The following SDK1 variants were observed in gnomAD, a reference collection of about 807,000 sequenced individuals.
SDK1 encodes protein sidekick-1.
A neutral mutation model predicts 245.5 loss-of-function variants in SDK1; 157 were observed. That is an observed-to-expected ratio of 0.64 (90% CI 0.56 to 0.73). The LOEUF (loss-of-function observed/expected upper bound fraction) is 0.73. SDK1 is among the 30% of genes least tolerant of loss of function. The pLI is 0.00. For synonymous variants in SDK1, 1,647 were observed against 1,278.5 expected, an observed-to-expected ratio of 1.29 and a Z score of -6.15; for missense variants, 3,583 against 3,002.3, an observed-to-expected ratio of 1.19 and a Z score of -4.52.
intron 30 of SDK1, among the ~76,000 whole-genome samples, chr7:4,155,113 C>G (rs1260957067): frequency 1.3e-5 from 2 of 152,032 alleles, no homozygotes; most frequent in African/African-American, 4.8e-5. Context: ...GTTGATAGCA[C>G]TGCCCTCTGC....
intron 5 of SDK1, among the ~76,000 whole-genome samples, chr7:3,937,734 G>A (rs532753843): frequency 3.9e-5 from 6 of 152,360 alleles, no homozygotes; most frequent in Non-Finnish European, 7.3e-5. Context: ...GCGTCCTGCA[G>A]GTTCCCATTG....
chr7:3,584,246 CT>C (rs1473254744), intron 1 of SDK1, among the ~76,000 whole-genome samples: 1 of 152,128 alleles, frequency 6.6e-6, no homozygotes, highest in Non-Finnish European at 1.5e-5. Context: ...GTTGTGTCAT[CT>C]CCAAACGTAT....
At chr7:3,502,475 C>G (rs370870294) in intron 1 of SDK1, among the ~76,000 whole-genome samples, 1 of 152,122 alleles carries the variant, frequency 6.6e-6, no homozygotes, top group East Asian at 1.9e-4. Flanking sequence ...ATCTTGAACT[C>G]CTGACCTCAG....
intron 1 of SDK1, among the ~76,000 whole-genome samples, chr7:3,553,414 A>C (rs746303375): frequency 6.6e-6 from 1 of 152,172 alleles, no homozygotes; most frequent in Non-Finnish European, 1.5e-5. Context: ...AATGCAAGAA[A>C]CAGAAGGAGA....
rs1298366416 is a variant in SDK1, at chr7:4,110,611, G to A, written c.3325-52G>A. ...GCAGGTGCACATGGTCTACATGGCA[G>A]CCTCAGTCCCTAAGGCATGTCCAGC... On this transcript the variant is annotated intron_variant, in intron 22 of 44. Transcript: ENST00000404826. The A allele has an allele frequency of 3.0e-6, 4 of 1,317,380 alleles. No individual in the cohort carries two copies. The Admixed American group carries it at 6.7e-5, about 22-fold the overall frequency. 81.6% of individuals were successfully genotyped at this position (1,317,380 alleles called of 1,614,324 possible). A position where few individuals can be genotyped will look rare whatever the true frequency, so the allele number is the denominator to read the frequency against.
At chr7:3,676,971 C>T (rs1301138257) in intron 4 of SDK1, among the ~76,000 whole-genome samples, 7 of 152,142 alleles carry the variant, frequency 4.6e-5, no homozygotes, top group African/African-American at 1.7e-4. Context: ...TTTTGCTTCT[C>T]TAACCTCATC....
Position 3,756,659 on chromosome 7 carries a change from A to G in SDK1, c.714-64791A>G, listed in dbSNP as rs528868784. ...ATCCTATCTAAGACCTTGTGCGTGTAGTCATGTCTTCTTGGTCTCCTCCAA... is the reference window on the plus strand; with the variant it reads ...ATCCTATCTAAGACCTTGTGCGTGTGGTCATGTCTTCTTGGTCTCCTCCAA... On this transcript the variant is annotated intron_variant, in intron 4 of 44. Coordinates refer to ENST00000404826, the MANE Select transcript of SDK1 (RefSeq NM_152744.4). Among the ~76,000 whole-genome samples, 41 of 152,082 alleles carry G rather than the reference A, an allele frequency of 2.7e-4. No individual in the cohort carries two copies. In the South Asian group the frequency reaches 3.7e-3, roughly 14 times the overall value.
chr7:3,552,236 A>G (rs1779441724), intron 1 of SDK1, among the ~76,000 whole-genome samples: 1 of 152,044 alleles, frequency 6.6e-6, no homozygotes, highest in Non-Finnish European at 1.5e-5. Flanking sequence ...ACGGGGTTTC[A>G]CTGTATTAGC....
rs113955796 is a variant in SDK1, at chr7:3,302,679, T to A, written c.298+795T>A. Reference sequence around the variant, plus strand: ...CAGCTAGCATCGTTTTCTTTTGAAGTTTGCTGGTCTTTAAACCAAAACACC... The same window carrying A: ...CAGCTAGCATCGTTTTCTTTTGAAGATTGCTGGTCTTTAAACCAAAACACC... On this transcript the variant is annotated intron_variant, in intron 1 of 44. Coordinates refer to ENST00000404826, the MANE Select transcript of SDK1 (RefSeq NM_152744.4). 3.3e-4 allele frequency among the ~76,000 whole-genome samples: 50 copies of A among 149,478 alleles called. 3 individuals carry two copies. The highest frequency in any genetic ancestry group is 9.4e-4 in the African/African-American group (38 of 40,486).
At chr7:4,224,842 G>T (rs1327961729) in intron 40 of SDK1, among the ~76,000 whole-genome samples, 1 of 151,648 alleles carries the variant, frequency 6.6e-6, no homozygotes, top group Non-Finnish European at 1.5e-5. Context: ...AATTAGCTGG[G>T]TGTGGTGGCA....
chr7:3,903,407 A>G (rs1168695798), intron 5 of SDK1, among the ~76,000 whole-genome samples: 1 of 152,012 alleles, frequency 6.6e-6, no homozygotes. Flanking sequence ...CGGCCTCCCA[A>G]AGTGCTTGGA....
chr7:3,936,113 T>C (rs1780150104), intron 5 of SDK1, among the ~76,000 whole-genome samples: 1 of 152,144 alleles, frequency 6.6e-6, no homozygotes, highest in Non-Finnish European at 1.5e-5. Flanking sequence ...GGGGATGTTA[T>C]GGTAAGTGAA....
intron 19 of SDK1, among the ~76,000 whole-genome samples, chr7:4,053,937 TTTGTTG>T (rs980108928): frequency 1.3e-5 from 2 of 152,078 alleles, no homozygotes; most frequent in African/African-American, 2.4e-5. Context: ...GGTGGTTTTT[TTTGTTG>T]TTGTTGTTGT....
At chr7:3,443,669 T>A (rs1262933923) in intron 1 of SDK1, among the ~76,000 whole-genome samples, 1 of 152,236 alleles carries the variant, frequency 6.6e-6, no homozygotes, top group African/African-American at 2.4e-5. Context: ...GTGCTTACTT[T>A]CTTCATTTGT....
chr7:3,587,845 C>T (rs1780741396), intron 1 of SDK1, among the ~76,000 whole-genome samples: 1 of 152,214 alleles, frequency 6.6e-6, no homozygotes, highest in Non-Finnish European at 1.5e-5. Context: ...TTGTAAGCTG[C>T]TCCAGGGCAG....
At chr7:3,376,812 G>A (rs982615236) in intron 1 of SDK1, among the ~76,000 whole-genome samples, 2 of 151,994 alleles carry the variant, frequency 1.3e-5, no homozygotes, top group Non-Finnish European at 2.9e-5. Flanking sequence ...AAAAAATCCC[G>A]AATTTCAAAA....
At chr7:3,340,519 T>A (rs1780318391) in intron 1 of SDK1, among the ~76,000 whole-genome samples, 1 of 152,102 alleles carries the variant, frequency 6.6e-6, no homozygotes, top group African/African-American at 2.4e-5. Flanking sequence ...TCCCAGCACT[T>A]TGGGAGGCCA....
intron 5 of SDK1, among the ~76,000 whole-genome samples, chr7:3,907,803 T>G (rs1779006749): frequency 6.6e-6 from 1 of 152,222 alleles, no homozygotes; most frequent in South Asian, 2.1e-4. Context: ...AAGAGCAAAC[T>G]GCTTAGTCCT....
chr7:3,641,871 T>C lies in SDK1; in HGVS notation c.566-87T>C, dbSNP rs1365593388. 6.3e-6 allele frequency: 7 copies of C among 1,105,206 alleles called. No homozygotes were observed. In the East Asian group the frequency reaches 1.2e-4, roughly 19 times the overall value. The allele number at this position is 1,105,206 out of a possible 1,614,324, so 68.5% of individuals were successfully genotyped here. ...AATGTGGCAGCATCAGTGACTTTAC[T>C]GTAACACTTACCTGTTTCCATCTGT... is the stretch of plus-strand genomic sequence containing the variant. On this transcript the variant is annotated intron_variant, in intron 3 of 44. Transcript: ENST00000404826.
Sources: allele counts gnomAD v4.1 joint callset (sites outside exome capture counted in the v4.1 genomes callset), GRCh38; gene constraint gnomAD v4.1.1; transcripts MANE v1.5; gene names NCBI Gene and HGNC (gene_info 2026-07-23, HGNC 2026-07-21).